UGT2B4: variants seen among roughly 807,000 people sequenced by gnomAD.
UGT2B4 encodes UDP glucuronosyltransferase family 2 member B4, also known as UDP-glucuronosyltransferase 2B4.
Under a neutral mutation model 49.8 loss-of-function variants are expected in UGT2B4, and 49 were observed. The ratio of observed to expected loss-of-function variants is 0.98; its 90% CI spans 0.78 to 1.25. The LOEUF is 1.25. UGT2B4 is among the 50% of genes most tolerant of loss of function. The pLI is 0.00. For missense variants in UGT2B4, 729 were observed against 627.7 expected (o/e 1.16, Z -1.73); for synonymous variants, 246 against 217.7 (o/e 1.13, Z -1.14).
intron 5 of UGT2B4, 21 bp downstream of exon 5, chr4:69,485,187 T>C (rs776023673): frequency 6.9e-6 from 11 of 1,603,652 alleles, no homozygotes; most frequent in African/African-American, 1.3e-5. Context: ...GACCACCGAG[T>C]AAAAAAAAAG....
At chr4:69,519,859 G>A (rs544482082) in intron 1 of UGT2B4, among the ~76,000 whole-genome samples, 2 of 152,238 alleles carry the variant, frequency 1.3e-5, no homozygotes, top group Middle Eastern at 6.8e-3. Flanking sequence ...GTGTAAAACT[G>A]CAGATTCACT....
At chr4:69,523,253 C>T (rs545895644) in intron 1 of UGT2B4, among the ~76,000 whole-genome samples, 2 of 152,030 alleles carry the variant, frequency 1.3e-5, no homozygotes, top group East Asian at 4.0e-4. Context: ...TTTCAATTTA[C>T]TCAGCCCATA....
intron 4 of UGT2B4, among the ~76,000 whole-genome samples, chr4:69,486,087 C>T (rs527799401): frequency 6.6e-4 from 100 of 152,114 alleles, no homozygotes; most frequent in Admixed American, 6.4e-3. Flanking sequence ...AGTACAGTCA[C>T]GGAGTGTGAT....
chr4:69,515,974 AT>A (rs1728721961), intron 1 of UGT2B4, among the ~76,000 whole-genome samples: 1 of 151,776 alleles, frequency 6.6e-6, no homozygotes, highest in Non-Finnish European at 1.5e-5. Context: ...TTCATTAGCT[AT>A]TTTTTCTGAT....
intron 1 of UGT2B4, among the ~76,000 whole-genome samples, chr4:69,521,662 C>G (rs935272534): frequency 9.2e-5 from 14 of 152,170 alleles, no homozygotes; most frequent in African/African-American, 3.4e-4. Flanking sequence ...CAAGCGCAGC[C>G]TGCTGGGCCA....
chr4:69,496,065 C>A, upstream of UGT2B4: 1 of 754,816 alleles, frequency 1.3e-6, no homozygotes, highest in Non-Finnish European at 1.8e-6. Flanking sequence ...GTTTAATGTT[C>A]TTTTTGGATT....
intron 1 of UGT2B4, among the ~76,000 whole-genome samples, chr4:69,512,293 C>T (rs1402525622): frequency 6.6e-6 from 1 of 151,786 alleles, no homozygotes; most frequent in Non-Finnish European, 1.5e-5. Context: ...ATAAACTTCC[C>T]TCTTAGGGGT....
At chr4:69,481,506 C>T (rs1171594659) in intron 5 of UGT2B4, among the ~76,000 whole-genome samples, 2 of 152,064 alleles carry the variant, frequency 1.3e-5, no homozygotes, top group Non-Finnish European at 2.9e-5. Context: ...AACATATGAG[C>T]AATTTTATTT....
intron 1 of UGT2B4, among the ~76,000 whole-genome samples, chr4:69,501,406 T>TA (rs1419562411): frequency 6.6e-6 from 1 of 152,056 alleles, no homozygotes; most frequent in East Asian, 1.9e-4. Flanking sequence ...CTCCCGCCAC[T>TA]AGAGATTTGA....
chr4:69,514,911 T>A (rs1728690975), intron 1 of UGT2B4, among the ~76,000 whole-genome samples: 1 of 152,014 alleles, frequency 6.6e-6, no homozygotes, highest in Admixed American at 6.6e-5. Context: ...CCAACAAAGA[T>A]CGTTAAGGAA....
rs10010875 is a variant in UGT2B4 at position 69,484,927 on chromosome 4, A to G, written c.1310+281T>C. 7.1e-3 allele frequency among the ~76,000 whole-genome samples: 1,084 copies of G among 152,230 alleles called. 14 individuals carry two copies. The highest frequency in any genetic ancestry group is 0.024 in the African/African-American group (1,005 of 41,534). ...AGTTTATCTTTCCTTTCTACTGTGG[A>G]TTGATTACGTCAAATTTATTTTAAA... On this transcript the variant is annotated intron_variant, in intron 5 of 5. Coordinates refer to ENST00000305107, the MANE Select transcript of UGT2B4 (RefSeq NM_021139.3).
chr4:69,499,775 T>G (rs1209055654), upstream of UGT2B4, among the ~76,000 whole-genome samples: 1 of 152,196 alleles, frequency 6.6e-6, no homozygotes, highest in Admixed American at 6.5e-5. Context: ...GAGATGGGTC[T>G]GTTGCATACA....
At chr4:69,505,592 A>G (rs1349582862) in intron 1 of UGT2B4, among the ~76,000 whole-genome samples, 1 of 152,126 alleles carries the variant, frequency 6.6e-6, no homozygotes, top group Admixed American at 6.6e-5. Flanking sequence ...CTGCAAAGAG[A>G]CTTAGACTCC....
intron 1 of UGT2B4, among the ~76,000 whole-genome samples, chr4:69,502,730 C>G (rs1332398376): frequency 6.6e-6 from 1 of 152,152 alleles, no homozygotes; most frequent in Non-Finnish European, 1.5e-5. Context: ...CTGAAAGCCT[C>G]TCTGCCACAG....
upstream of UGT2B4, among the ~76,000 whole-genome samples, chr4:69,498,449 T>C (rs1364466931): frequency 6.6e-6 from 1 of 151,538 alleles, no homozygotes; most frequent in Non-Finnish European, 1.5e-5. Context: ...AGGAAGCAAC[T>C]GATACACAGA....
chr4:69,495,896 G>C lies in UGT2B4; in HGVS notation c.-35C>G. The C allele has an allele frequency of 6.5e-7, 1 of 1,541,698 alleles. No individual in the cohort carries two copies. On this transcript the variant is annotated 5_prime_UTR_variant, in exon 1 of 6. Transcript: ENST00000305107. Reference sequence around the variant, plus strand: ...ATGCAATGCTTGTTTTCCAGTTGCTGCTCCTTTCTGTCATTTCTCATGGTG... The same window carrying C: ...ATGCAATGCTTGTTTTCCAGTTGCTCCTCCTTTCTGTCATTTCTCATGGTG...
At chr4:69,488,058 CAAAGGTAGCATGTATAACTTCTTGG>C (rs1201494171) in intron 3 of UGT2B4, among the ~76,000 whole-genome samples, 2 of 151,994 alleles carry the variant, frequency 1.3e-5, no homozygotes, top group Non-Finnish European at 2.9e-5. Flanking sequence ...ATTAATGCTG[CAAAGGTAGCATGTATAACTTCTTGG>C]AAATTACAAA....
chr4:69,484,709 G>A (rs1277034602), intron 5 of UGT2B4, among the ~76,000 whole-genome samples: 1 of 151,992 alleles, frequency 6.6e-6, no homozygotes, highest in Non-Finnish European at 1.5e-5. Flanking sequence ...GATGGTGATG[G>A]CTTCATGACT....
upstream of UGT2B4, among the ~76,000 whole-genome samples, chr4:69,499,904 C>T (rs758608659): frequency 4.0e-5 from 6 of 151,724 alleles, no homozygotes; most frequent in Admixed American, 3.3e-4. Flanking sequence ...GAGTATATAC[C>T]CAAAGAATAT....
Sources: gnomAD v4.1 joint callset for allele counts (sites outside exome capture counted in the v4.1 genomes callset) on GRCh38, gnomAD v4.1.1 for gene constraint, MANE v1.5 for transcripts, NCBI Gene and HGNC (gene_info 2026-07-23, HGNC 2026-07-21) for gene names.